CLDN16: variants seen among roughly 807,000 people sequenced by gnomAD.
The protein encoded by CLDN16 is claudin 16.
In CLDN16, 13 loss-of-function variants were observed where a neutral mutation model predicts 24.6. That is an observed-to-expected ratio of 0.53 (90% CI 0.34 to 0.84). The LOEUF (loss-of-function observed/expected upper bound fraction) is 0.84, where lower values mean the gene tolerates loss of function less well. Among genes scored for constraint, CLDN16 ranks in the 40% least tolerant of loss-of-function variants. CLDN16 has a pLI of 0.01. For synonymous variants in CLDN16, 116 were observed against 106.7 expected (o/e 1.09, Z -0.54); for missense variants, 298 against 292.7 (o/e 1.02, Z -0.13).
chr3:190,395,093 C>T (rs1461931660), intron 1 of CLDN16, among the ~76,000 whole-genome samples: 1 of 151,976 alleles, frequency 6.6e-6, no homozygotes, highest in East Asian at 1.9e-4. Flanking sequence ...TAATGCCATA[C>T]TTTTAAAAGG....
intron 1 of CLDN16, among the ~76,000 whole-genome samples, chr3:190,354,680 G>T (rs1221869261): frequency 1.3e-5 from 2 of 151,988 alleles, no homozygotes; most frequent in Non-Finnish European, 2.9e-5. Context: ...TTCACAAGAA[G>T]AGATTCAGAG....
At chr3:190,390,085 A>G (rs1373807578) in intron 1 of CLDN16, among the ~76,000 whole-genome samples, 1 of 152,210 alleles carries the variant, frequency 6.6e-6, no homozygotes, top group Non-Finnish European at 1.5e-5. Flanking sequence ...TGTCCCATGA[A>G]AGAATACTTC....
At chr3:190,405,265 C>T (rs1719067074) in intron 3 of CLDN16, among the ~76,000 whole-genome samples, 2 of 151,802 alleles carry the variant, frequency 1.3e-5, no homozygotes, top group South Asian at 2.1e-4. Context: ...CCTATCCCCA[C>T]TAAAAATACA....
At chr3:190,337,050 A>G (rs1018271166) in intron 1 of CLDN16, among the ~76,000 whole-genome samples, 4 of 152,242 alleles carry the variant, frequency 2.6e-5, no homozygotes, top group Non-Finnish European at 5.9e-5. Flanking sequence ...ATAGAGGAAG[A>G]AAACAACACA....
At chr3:190,342,213 G>A (rs1717453261) in intron 1 of CLDN16, among the ~76,000 whole-genome samples, 1 of 152,094 alleles carries the variant, frequency 6.6e-6, no homozygotes, top group Non-Finnish European at 1.5e-5. Context: ...TACTGTATTA[G>A]TTCATTTTCA....
chr3:190,298,829 A>G, the CLDN16 span, among the ~76,000 whole-genome samples: 2 of 152,214 alleles, frequency 1.3e-5, no homozygotes, highest in Non-Finnish European at 2.9e-5. Flanking sequence ...AAATGTTTCA[A>G]TGTGTAAACA....
the CLDN16 span, among the ~76,000 whole-genome samples, chr3:190,311,418 G>A: frequency 1.3e-5 from 2 of 152,074 alleles, no homozygotes; most frequent in Non-Finnish European, 2.9e-5. Context: ...TGAGAGACTG[G>A]TCATTTTAAA....
intron 3 of CLDN16, among the ~76,000 whole-genome samples, chr3:190,405,149 G>A (rs1414304941): frequency 6.6e-6 from 1 of 152,080 alleles, no homozygotes; most frequent in Non-Finnish European, 1.5e-5. Flanking sequence ...AAGCTCTCAG[G>A]CCGGGTGTGG....
At chr3:190,299,320 A>T in the CLDN16 span, among the ~76,000 whole-genome samples, 1 of 151,994 alleles carries the variant, frequency 6.6e-6, no homozygotes, top group African/African-American at 2.4e-5. Flanking sequence ...ATTGGTTTTT[A>T]AAAGTGTTCT....
intron 1 of CLDN16, among the ~76,000 whole-genome samples, chr3:190,329,188 T>A (rs1190544958): frequency 6.6e-6 from 1 of 152,054 alleles, no homozygotes; most frequent in East Asian, 1.9e-4. Flanking sequence ...AGTTTAGGGA[T>A]GGGTTGGTGA....
At chr3:190,348,310 T>C (rs574517508) in intron 1 of CLDN16, among the ~76,000 whole-genome samples, 26 of 122,676 alleles carry the variant, frequency 2.1e-4, no homozygotes, top group African/African-American at 7.5e-4. Flanking sequence ...GAGACCACAA[T>C]GTCAAGGAAG....
At chr3:190,340,397 T>G (rs889833381) in intron 1 of CLDN16, among the ~76,000 whole-genome samples, 2 of 152,104 alleles carry the variant, frequency 1.3e-5, no homozygotes, top group Admixed American at 6.5e-5. Flanking sequence ...ATGGCAGAGA[T>G]GAAAGGAATG....
At chr3:190,323,799 A>G (rs1412271993) in intron 1 of CLDN16, among the ~76,000 whole-genome samples, 3 of 152,224 alleles carry the variant, frequency 2.0e-5, no homozygotes, top group Non-Finnish European at 4.4e-5. Context: ...TTAAAACTAA[A>G]GGACTTGGCC....
chr3:190,294,641 A>G, the CLDN16 span, among the ~76,000 whole-genome samples: 1 of 152,116 alleles, frequency 6.6e-6, no homozygotes, highest in Non-Finnish European at 1.5e-5. Flanking sequence ...AATTATTAAT[A>G]TATTCAATAA....
chr3:190,354,448 G>C (rs151117680), intron 1 of CLDN16, among the ~76,000 whole-genome samples: 2 of 152,010 alleles, frequency 1.3e-5, no homozygotes, highest in Non-Finnish European at 1.5e-5. Flanking sequence ...TATATAAAAA[G>C]GGATTTTGAA....
At chr3:190,361,907 G>A (rs1002033675) in intron 1 of CLDN16, among the ~76,000 whole-genome samples, 1 of 150,838 alleles carries the variant, frequency 6.6e-6, no homozygotes, top group Admixed American at 6.7e-5. Context: ...ATAAAGAAAT[G>A]GGCAATATGG....
At chr3:190,310,301 G>A in the CLDN16 span, 43 of 1,424,090 alleles carry the variant, frequency 3.0e-5, no homozygotes, top group Non-Finnish European at 4.2e-5. Flanking sequence ...GGAACACTGA[G>A]CCTAAATACA....
chr3:190,323,439 G>A (rs773594379), intron 1 of CLDN16, among the ~76,000 whole-genome samples: 1 of 152,138 alleles, frequency 6.6e-6, no homozygotes, highest in Admixed American at 6.5e-5. Context: ...TTTCGGTCTC[G>A]CTGGGACTGT....
In CLDN16 at chr3:190,400,690, A is replaced by G. The variant is rs140514219; in HGVS notation, c.115-1647A>G. 1.3e-3 allele frequency among the ~76,000 whole-genome samples: 200 copies of G among 152,308 alleles called. 3 individuals carry two copies. In the East Asian group the frequency reaches 0.033, roughly 25 times the overall value. On this transcript the variant is annotated intron_variant, in intron 1 of 4. Transcript: ENST00000264734. Reference sequence around the variant, plus strand: ...TGTTAAATAGTATTCCATTGTGTAGATATACCATATTGTATTTACCCATTG... The same window carrying G: ...TGTTAAATAGTATTCCATTGTGTAGGTATACCATATTGTATTTACCCATTG...
Sources: allele counts gnomAD v4.1 joint callset (sites outside exome capture counted in the v4.1 genomes callset), GRCh38; gene constraint gnomAD v4.1.1; transcripts MANE v1.5; gene names NCBI Gene and HGNC (gene_info 2026-07-23, HGNC 2026-07-21).